DHDDS: variants seen among roughly 807,000 people sequenced by gnomAD.
The protein encoded by DHDDS is dehydrodolichyl diphosphate synthase subunit.
Under a neutral mutation model 46.2 loss-of-function variants are expected in DHDDS, and 16 were observed. The ratio of observed to expected loss-of-function variants is 0.35; its 90% CI spans 0.23 to 0.53. The LOEUF (loss-of-function observed/expected upper bound fraction) is 0.53, where lower values mean the gene tolerates loss of function less well. DHDDS is among the 20% of genes least tolerant of loss of function. DHDDS has a pLI of 0.94. For missense variants in DHDDS, 340 were observed against 423.7 expected (o/e 0.80, Z 1.73); for synonymous variants, 151 against 163.1 (o/e 0.93, Z 0.56).
intron 6 of DHDDS, among the ~76,000 whole-genome samples, chr1:26,449,801 C>T (rs1044801878): frequency 1.4e-3 from 105 of 75,298 alleles, no homozygotes; most frequent in African/African-American, 6.8e-3. Flanking sequence ...TCAGGTAATC[C>T]GCCCACCTCG....
At chr1:26,436,922 G>C (rs903619600) in intron 2 of DHDDS, among the ~76,000 whole-genome samples, 3 of 152,020 alleles carry the variant, frequency 2.0e-5, no homozygotes, top group Non-Finnish European at 4.4e-5. Context: ...TGTAATCCCA[G>C]CACTCTGGGA....
At position 26,463,605 on chromosome 1, in the gene DHDDS, C is replaced by T. The variant is rs183853308; in HGVS notation, c.765+3461C>T. ...CACTGCAACCTCCGCCTCCCAGGTT[C>T]AAGCGATTCTCCTGCCTCAGCCTCC... On this transcript the variant is annotated intron_variant, in intron 8 of 8. Coordinates refer to ENST00000236342, the MANE Select transcript of DHDDS (RefSeq NM_205861.3). 3.9e-3 allele frequency among the ~76,000 whole-genome samples: 599 copies of T among 152,160 alleles called. 3 individuals carry two copies. Among genetic ancestry groups the T allele is most frequent in the South Asian group, 0.01 (50 of 4,816 alleles).
chr1:26,456,116 A>G (rs1179323357), intron 6 of DHDDS, among the ~76,000 whole-genome samples: 2 of 152,214 alleles, frequency 1.3e-5, no homozygotes, highest in Non-Finnish European at 2.9e-5. Flanking sequence ...GCTCTTATCA[A>G]ACACAGGAGA....
intron 6 of DHDDS, among the ~76,000 whole-genome samples, chr1:26,450,064 G>A (rs1033056811): frequency 6.6e-6 from 1 of 152,198 alleles, no homozygotes; most frequent in Non-Finnish European, 1.5e-5. Context: ...TTCAGACAGG[G>A]TTTATCTCTG....
At chr1:26,451,403 G>GGTGTGT (rs2075317524) in intron 6 of DHDDS, among the ~76,000 whole-genome samples, 2 of 102,212 alleles carry the variant, frequency 2.0e-5, no homozygotes, top group Non-Finnish European at 4.1e-5. Flanking sequence ...TATGTATGTA[G>GGTGTGT]ATGTGTGTGT....
At position 26,457,955 on chromosome 1, in the gene DHDDS, G is replaced by A. The variant is rs997398691; in HGVS notation, c.657+50G>A. The stretch of plus-strand genomic sequence containing the variant: ...TGTTTGTGTCATGGGGAAACCAACT[G>A]TATCCACAGAATGGATCAGAGTGGT... On this transcript the variant is annotated intron_variant, in intron 7 of 8. Coordinates refer to ENST00000236342, the MANE Select transcript of DHDDS (RefSeq NM_205861.3). 6 of 1,508,796 alleles carry A rather than the reference G, an allele frequency of 4.0e-6. No individual in the cohort carries two copies. In the South Asian group the frequency reaches 5.6e-5, roughly 14 times the overall value. 93.5% of individuals were successfully genotyped at this position (1,508,796 alleles called of 1,614,324 possible). A position where few individuals can be genotyped will look rare whatever the true frequency, so the allele number is the denominator to read the frequency against.
Position 26,447,669 on chromosome 1 carries a change from A to C in DHDDS, c.542+9A>C. ...GGCCTGTTGGATCCCAGGTATCCCG[A>C]GTTGTTTTGCATGGTAATTGTTAAG... On this transcript the variant is annotated intron_variant, in intron 6 of 8. Coordinates refer to ENST00000236342, the MANE Select transcript of DHDDS (RefSeq NM_205861.3). The C allele has an allele frequency of 6.2e-7, 1 of 1,612,256 alleles. No individual in the cohort carries two copies. The highest frequency in any genetic ancestry group is 8.5e-7 in the Non-Finnish European group (1 of 1,178,380).
intron 6 of DHDDS, 68 bp from the exon 7 acceptor site, chr1:26,457,721 CAT>C (rs878911104): frequency 2.0e-4 from 243 of 1,219,940 alleles, no homozygotes; most frequent in Middle Eastern, 1.3e-3. Flanking sequence ...GGAAGTTCAC[CAT>C]GAGAACACTA....
intron 6 of DHDDS, among the ~76,000 whole-genome samples, chr1:26,455,857 T>C (rs2075365684): frequency 6.6e-6 from 1 of 152,160 alleles, no homozygotes; most frequent in African/African-American, 2.4e-5. Flanking sequence ...TCCAGAAACA[T>C]GTTCCCACCA....
Position 26,447,649 on chromosome 1 carries a change from G to T in DHDDS, c.531G>T (p.Leu177=). The change falls in exon 6 of 9, where the codon CTG becomes CTT. Residue 177 remains leucine, a synonymous_variant. Transcript: ENST00000236342. ...TGGCCTGGGGGGTGGAGCAAGGCCT[G>T]TTGGATCCCAGGTATCCCGAGTTGT... ...REMAWGVEQG[L]LDPSDISESL... is the part of the protein sequence containing the mutation. The T allele has an allele frequency of 6.2e-7, 1 of 1,614,018 alleles. No homozygotes were observed. The highest frequency in any genetic ancestry group is 8.5e-7 in the Non-Finnish European group (1 of 1,179,894).
intron 7 of DHDDS, among the ~76,000 whole-genome samples, chr1:26,459,503 T>C (rs1392010262): frequency 6.6e-6 from 1 of 152,240 alleles, no homozygotes; most frequent in Admixed American, 6.5e-5. Flanking sequence ...CAGTTTTACA[T>C]TTGAGGAATC....
Position 26,469,452 on chromosome 1 carries a change from C to A in DHDDS, c.*321C>A. The A allele has an allele frequency of 2.2e-6, 1 of 456,198 alleles. No homozygotes were observed. Among genetic ancestry groups the A allele is most frequent in the Non-Finnish European group, 4.1e-6 (1 of 245,128 alleles). The allele number at this position is 456,198 out of a possible 1,614,324, so 28.3% of individuals were successfully genotyped here. A position where few individuals can be genotyped will look rare whatever the true frequency, so the allele number is the denominator to read the frequency against. On this transcript the variant is annotated 3_prime_UTR_variant, in exon 9 of 9. Transcript: ENST00000236342. ...GCACTTTCTTTTTCCACCAGCACAT[C>A]CTTCAACACACAGAATTTCAGGGAA...
chr1:26,440,215 GTTTGATGCCAGGGCCGTGA>G (rs2075204769), intron 3 of DHDDS, among the ~76,000 whole-genome samples: 2 of 152,232 alleles, frequency 1.3e-5, no homozygotes, highest in African/African-American at 4.8e-5. Context: ...CAGGGACACA[GTTTGATGCCAGGGCCGTGA>G]TATTTTTTTC....
intron 3 of DHDDS, among the ~76,000 whole-genome samples, chr1:26,441,895 T>TAAA (rs71581065): frequency 2.5e-4 from 31 of 123,946 alleles, no homozygotes; most frequent in African/African-American, 2.8e-4. Flanking sequence ...GACTCCAGCT[T>TAAA]AAAAAAAAAA....
chr1:26,450,522 G>C (rs533197291), intron 6 of DHDDS, among the ~76,000 whole-genome samples: 1 of 152,246 alleles, frequency 6.6e-6, no homozygotes, highest in South Asian at 2.1e-4. Flanking sequence ...TTACTGGCTG[G>C]GTAGAGGAGA....
At chr1:26,459,980 A>G (rs950021597) in intron 7 of DHDDS, 57 bp from the exon 8 acceptor site, 58 of 1,418,208 alleles carry the variant, frequency 4.1e-5, no homozygotes, top group Non-Finnish European at 5.4e-5. Flanking sequence ...AGGACTGACC[A>G]GGGATGCGGC....
chr1:26,432,923 G>C lies in DHDDS; in HGVS notation c.-23G>C. The C allele has an allele frequency of 6.2e-7, 1 of 1,613,804 alleles. No individual in the cohort carries two copies. Among genetic ancestry groups the C allele is most frequent in the East Asian group, 2.2e-5 (1 of 44,882 alleles). ...GGCTGGTGTTTGCTTGTTCTGGAGT[G>C]ATCTTCTGACTGGAAAAGAACTATG... On this transcript the variant is annotated 5_prime_UTR_variant, in exon 2 of 9. An upstream open reading frame in the 5' UTR loses its in-frame stop. Coordinates refer to ENST00000236342, the MANE Select transcript of DHDDS (RefSeq NM_205861.3).
rs57277323 is a variant in DHDDS, at chr1:26,456,672, C to T, written c.543-1119C>T. Among the ~76,000 whole-genome samples, 833 of 152,296 alleles carry T rather than the reference C, an allele frequency of 5.5e-3. 6 individuals are homozygous for T. The highest frequency in any genetic ancestry group is 0.019 in the African/African-American group (782 of 41,560). On this transcript the variant is annotated intron_variant, in intron 6 of 8. Coordinates refer to ENST00000236342, the MANE Select transcript of DHDDS (RefSeq NM_205861.3). ...CCTCCCAAAGTACTGGGATTACAGG[C>T]ATGAGTCACCACGCCTGGCCAAAAA...
rs1423749243 is a variant in DHDDS at position 26,470,378 on chromosome 1, C to G, written c.*1247C>G. ...TCCTGGCTGGTCTCGAACTCCTGAC[C>G]TCAGGTGATCCGCCGGCCTCACCCT... On this transcript the variant is annotated 3_prime_UTR_variant, in exon 9 of 9. Coordinates refer to ENST00000236342, the MANE Select transcript of DHDDS (RefSeq NM_205861.3). The G allele has an allele frequency of 6.7e-6, 1 of 149,344 alleles. No homozygotes were observed. The highest frequency in any genetic ancestry group is 1.5e-5 in the Non-Finnish European group (1 of 67,780). 9.3% of individuals were successfully genotyped at this position (149,344 alleles called of 1,614,324 possible).
Sources: gnomAD v4.1 joint callset for allele counts (sites outside exome capture counted in the v4.1 genomes callset) on GRCh38, gnomAD v4.1.1 for gene constraint, MANE v1.5 for transcripts, NCBI Gene and HGNC (gene_info 2026-07-23, HGNC 2026-07-21) for gene names.